The following LDLRAD4 variants were observed in gnomAD, a reference collection of about 807,000 sequenced individuals.
LDLRAD4 encodes low density lipoprotein receptor class A domain containing 4.
In LDLRAD4, 5 loss-of-function variants were observed where a neutral mutation model predicts 17.0. The ratio of observed to expected loss-of-function variants is 0.29; its 90% CI spans 0.15 to 0.62. LDLRAD4 has a LOEUF of 0.62. LDLRAD4 is among the 20% of genes least tolerant of loss of function. The probability of loss-of-function intolerance (pLI) is 0.84; values close to 1 mark genes in which losing one functional copy is unlikely to be tolerated. For synonymous variants in LDLRAD4, 168 were observed against 171.8 expected (o/e 0.98, Z 0.17); for missense variants, 340 against 424.7 (o/e 0.80, Z 1.75).
At chr18:13,273,319 G>T (rs566324653), upstream of LDLRAD4, among the ~76,000 whole-genome samples, 2 of 152,106 alleles carry the variant, frequency 1.3e-5, no homozygotes, top group South Asian at 4.2e-4. Flanking sequence ...ATTTGTTTTT[G>T]AGACAGGGTC....
chr18:13,305,666 C>T (rs1043309614), intron 1 of LDLRAD4, among the ~76,000 whole-genome samples: 6 of 152,178 alleles, frequency 3.9e-5, no homozygotes, highest in Admixed American at 3.9e-4. Flanking sequence ...TCGATTTGTG[C>T]TGTAGATTGA....
chr18:13,542,483 G>A (rs1385948185), intron 3 of LDLRAD4: 1 of 152,862 alleles, frequency 6.5e-6, no homozygotes, highest in African/African-American at 2.4e-5. Flanking sequence ...CGACCTTCCA[G>A]GCAGAACCTG....
chr18:13,507,752 G>A (rs947586989), intron 3 of LDLRAD4, among the ~76,000 whole-genome samples: 4 of 152,146 alleles, frequency 2.6e-5, no homozygotes, highest in Admixed American at 6.5e-5. Context: ...TAGCTGTTCC[G>A]TCACTTCTCT....
chr18:13,428,847 G>C (rs764697164), intron 2 of LDLRAD4, among the ~76,000 whole-genome samples: 6 of 152,152 alleles, frequency 3.9e-5, no homozygotes, highest in Non-Finnish European at 8.8e-5. Flanking sequence ...GGAAAATGAG[G>C]TATTTGGCCT....
exon 6 of LDLRAD4, chr18:13,650,186 C>A: frequency 2.5e-6 from 1 of 399,696 alleles, no homozygotes. Flanking sequence ...CTTTATTACC[C>A]GGCACGCTGT....
intron 3 of LDLRAD4, among the ~76,000 whole-genome samples, chr18:13,532,869 C>T (rs1391136237): frequency 2.6e-5 from 4 of 152,228 alleles, no homozygotes; most frequent in Admixed American, 2.0e-4. Flanking sequence ...TCCAGGCTCC[C>T]AAGCTGAGGG....
intron 3 of LDLRAD4, among the ~76,000 whole-genome samples, chr18:13,523,780 G>T (rs988671415): frequency 1.3e-5 from 2 of 152,174 alleles, no homozygotes; most frequent in African/African-American, 4.8e-5. Context: ...GATTTGGACC[G>T]ACCCCAGTGG....
chr18:13,273,531 A>G (rs779946452), upstream of LDLRAD4, among the ~76,000 whole-genome samples: 1 of 152,232 alleles, frequency 6.6e-6, no homozygotes, highest in East Asian at 1.9e-4. Flanking sequence ...AACTTAAGCT[A>G]TCCTCCCACC....
At chr18:13,311,462 C>A (rs986076445) in intron 1 of LDLRAD4, among the ~76,000 whole-genome samples, 2 of 152,240 alleles carry the variant, frequency 1.3e-5, no homozygotes, top group Non-Finnish European at 2.9e-5. Context: ...GAGTCGCTTT[C>A]CAGCCGTGGG....
At chr18:13,270,441 G>A (rs1461801601) in intron 1 of LDLRAD4, among the ~76,000 whole-genome samples, 1 of 152,098 alleles carries the variant, frequency 6.6e-6, no homozygotes, top group Non-Finnish European at 1.5e-5. Context: ...TGAATTGGCC[G>A]GGTCGAGAGG....
chr18:13,508,921 C>A (rs1162042793), intron 3 of LDLRAD4, among the ~76,000 whole-genome samples: 1 of 152,188 alleles, frequency 6.6e-6, no homozygotes, highest in Non-Finnish European at 1.5e-5. Context: ...TCTGATGGAT[C>A]TGGGCAAAGT....
At chr18:13,463,658 G>A (rs897745766) in intron 3 of LDLRAD4, among the ~76,000 whole-genome samples, 6 of 152,138 alleles carry the variant, frequency 3.9e-5, no homozygotes, top group Admixed American at 1.3e-4. Context: ...CTAACGGCAG[G>A]TGACAGGGCA....
At chr18:13,507,500 T>A (rs2093713557) in intron 3 of LDLRAD4, among the ~76,000 whole-genome samples, 3 of 152,254 alleles carry the variant, frequency 2.0e-5, no homozygotes, top group African/African-American at 7.2e-5. Flanking sequence ...TTTCATTCCT[T>A]TGTATGATTG....
At chr18:13,455,454 G>A (rs1490908079) in intron 3 of LDLRAD4, among the ~76,000 whole-genome samples, 2 of 152,160 alleles carry the variant, frequency 1.3e-5, no homozygotes, top group African/African-American at 4.8e-5. Context: ...GTCATGAGAT[G>A]CCCTTGGGTA....
At chr18:13,536,597 T>G (rs1320379088) in intron 3 of LDLRAD4, among the ~76,000 whole-genome samples, 1 of 152,094 alleles carries the variant, frequency 6.6e-6, no homozygotes, top group African/African-American at 2.4e-5. Context: ...CCAGCCTGTA[T>G]GCCTTTAATG....
chr18:13,418,781 G>A (rs997981804), intron 2 of LDLRAD4, among the ~76,000 whole-genome samples: 6 of 152,164 alleles, frequency 3.9e-5, no homozygotes, highest in African/African-American at 1.4e-4. Flanking sequence ...ATTTGCAAGT[G>A]CCTATGGAGA....
intron 1 of LDLRAD4, among the ~76,000 whole-genome samples, chr18:13,317,119 A>G (rs1036036030): frequency 8.5e-5 from 13 of 152,188 alleles, no homozygotes; most frequent in Non-Finnish European, 1.5e-4. Flanking sequence ...TGGTGCACCA[A>G]TGTCAGGTGA....
chr18:13,411,181 G>A (rs1367027218), intron 2 of LDLRAD4, among the ~76,000 whole-genome samples: 1 of 151,884 alleles, frequency 6.6e-6, no homozygotes, highest in Non-Finnish European at 1.5e-5. Context: ...GAGTCTGGGA[G>A]GTGAAGTTTG....
At chr18:13,318,742 T>G (rs1207905320) in intron 1 of LDLRAD4, among the ~76,000 whole-genome samples, 1 of 152,188 alleles carries the variant, frequency 6.6e-6, no homozygotes, top group African/African-American at 2.4e-5. Context: ...CTGTCTGGTG[T>G]CTGTCTGTGT....
Sources: gnomAD v4.1 joint callset for allele counts (sites outside exome capture counted in the v4.1 genomes callset) on GRCh38, gnomAD v4.1.1 for gene constraint, MANE v1.5 for transcripts, NCBI Gene and HGNC (gene_info 2026-07-23, HGNC 2026-07-21) for gene names.